Variants in TRPS1 observed in about 807,000 individuals in gnomAD.
TRPS1 encodes transcriptional repressor GATA binding 1.
Under a neutral mutation model 101.2 loss-of-function variants are expected in TRPS1, and 6 were observed. The ratio of observed to expected loss-of-function variants is 0.06; its 90% CI spans 0.03 to 0.12. The LOEUF is 0.12. Ranked by LOEUF, TRPS1 falls within the 10% of genes least tolerant of loss-of-function variation. TRPS1 has a pLI of 1.00. For synonymous variants in TRPS1, 578 were observed against 589.8 expected (o/e 0.98, Z 0.29); for missense variants, 1,363 against 1,567.0 (o/e 0.87, Z 2.20).
chr8:115,550,260 A>C (rs1436892842), intron 5 of TRPS1, among the ~76,000 whole-genome samples: 4 of 152,160 alleles, frequency 2.6e-5, no homozygotes, highest in African/African-American at 7.2e-5. Context: ...TGGGGCTTTT[A>C]AAGGAAAGTA....
intron 5 of TRPS1, among the ~76,000 whole-genome samples, chr8:115,580,245 A>AATATATATAT (rs1554591593): frequency 5.0e-5 from 7 of 139,868 alleles, no homozygotes; most frequent in African/African-American, 1.9e-4. Context: ...AAAAAAAAAA[A>AATATATATAT]ATATATATAT....
intron 5 of TRPS1, among the ~76,000 whole-genome samples, chr8:115,572,849 T>A (rs980968642): frequency 1.3e-5 from 2 of 152,088 alleles, no homozygotes; most frequent in Non-Finnish European, 2.9e-5. Context: ...AAAATAAATA[T>A]ACGCCAGACT....
intron 5 of TRPS1, among the ~76,000 whole-genome samples, chr8:115,562,972 A>G (rs1816982991): frequency 6.6e-6 from 1 of 150,842 alleles, no homozygotes; most frequent in South Asian, 2.1e-4. Flanking sequence ...TAGGATTTAC[A>G]TTAAAGGTTG....
chr8:115,635,960 G>A (rs748043381), intron 1 of TRPS1, among the ~76,000 whole-genome samples: 1 of 151,990 alleles, frequency 6.6e-6, no homozygotes, highest in Non-Finnish European at 1.5e-5. Flanking sequence ...GTTTACTACT[G>A]GATTATGGAT....
chr8:115,540,516 C>A (rs1325720672), intron 5 of TRPS1, among the ~76,000 whole-genome samples: 2 of 152,024 alleles, frequency 1.3e-5, no homozygotes, highest in African/African-American at 2.4e-5. Context: ...AATAGCATTT[C>A]TTGATCTTCC....
intron 5 of TRPS1, among the ~76,000 whole-genome samples, chr8:115,570,192 G>A (rs1294146735): frequency 6.6e-6 from 1 of 151,874 alleles, no homozygotes; most frequent in Non-Finnish European, 1.5e-5. Context: ...CTAAATTGCT[G>A]TAATTGATTT....
At chr8:115,583,601 C>G (rs117426022) in intron 5 of TRPS1, among the ~76,000 whole-genome samples, 450 of 152,140 alleles carry the variant, frequency 3.0e-3, no homozygotes, top group Non-Finnish European at 5.1e-3. Context: ...GCCCTTAATA[C>G]TTCTTCCTAC....
intron 1 of TRPS1, among the ~76,000 whole-genome samples, chr8:115,624,179 T>A (rs2142330): frequency 0.32 from 48,338 of 151,718 alleles, 9,075 homozygotes; most frequent in Middle Eastern, 0.55. Flanking sequence ...TTTTGGCAAC[T>A]CTATTTTAAA....
At chr8:115,574,929 T>G (rs932175779) in intron 5 of TRPS1, among the ~76,000 whole-genome samples, 2 of 152,242 alleles carry the variant, frequency 1.3e-5, no homozygotes, top group Admixed American at 6.5e-5. Context: ...TTAAAAAACT[T>G]CAGGGTTTCT....
At chr8:115,620,166 C>T (rs913425341) in intron 2 of TRPS1, 106 bp from the exon 3 acceptor site, 8 of 1,056,608 alleles carry the variant, frequency 7.6e-6, no homozygotes, top group African/African-American at 1.7e-5. Context: ...GGTGCATAAT[C>T]AAATGCTTCC....
intron 5 of TRPS1, among the ~76,000 whole-genome samples, chr8:115,453,061 G>T (rs559547838): frequency 6.6e-6 from 1 of 150,724 alleles, no homozygotes; most frequent in Admixed American, 6.6e-5. Context: ...TCACTCTGTT[G>T]CCCAGGATGG....
intron 5 of TRPS1, among the ~76,000 whole-genome samples, chr8:115,419,748 T>C (rs1468654125): frequency 6.6e-6 from 1 of 152,218 alleles, no homozygotes; most frequent in Non-Finnish European, 1.5e-5. Context: ...TGTTTCACAA[T>C]GTATCACTAA....
intron 5 of TRPS1, among the ~76,000 whole-genome samples, chr8:115,556,875 G>A (rs1031744821): frequency 1.3e-5 from 2 of 152,066 alleles, no homozygotes; most frequent in African/African-American, 2.4e-5. Flanking sequence ...CAATTTAAAC[G>A]TCAGCCCATG....
At chr8:115,542,214 C>T (rs573909057) in intron 5 of TRPS1, among the ~76,000 whole-genome samples, 1 of 152,142 alleles carries the variant, frequency 6.6e-6, no homozygotes, top group African/African-American at 2.4e-5. Context: ...ACACATCAGT[C>T]AGCATGACAC....
At chr8:115,589,934 T>C (rs534446299) in intron 4 of TRPS1, among the ~76,000 whole-genome samples, 2 of 152,140 alleles carry the variant, frequency 1.3e-5, no homozygotes, top group South Asian at 2.1e-4. Context: ...CTGACCAACA[T>C]GGTGAAACCC....
At chr8:115,615,389 A>G (rs1024095016) in intron 3 of TRPS1, among the ~76,000 whole-genome samples, 1 of 152,192 alleles carries the variant, frequency 6.6e-6, no homozygotes, top group Non-Finnish European at 1.5e-5. Flanking sequence ...AGCGCATTAC[A>G]CCCTAATGAA....
rs1251960464 is a variant in TRPS1, at chr8:115,475,430, T to C, written c.2701-56978A>G. ...TTGAAATTCTTCTTGGAAACTATCA[T>C]AACTGTGTAAGCACCTTTAATTTAC... On this transcript the variant is annotated intron_variant, in intron 5 of 6. Coordinates refer to ENST00000395715, the MANE Select transcript of TRPS1 (RefSeq NM_014112.5). Among the ~76,000 whole-genome samples, 5 of 151,894 alleles carry C rather than the reference T, an allele frequency of 3.3e-5. No homozygotes were observed. In the East Asian group the frequency reaches 9.7e-4, roughly 29 times the overall value.
At chr8:115,415,194 G>C in intron 6 of TRPS1, 110 bp from the exon 7 acceptor site, 1 of 1,154,722 alleles carries the variant, frequency 8.7e-7, no homozygotes, top group African/African-American at 1.6e-5. Context: ...GCAGGGATAG[G>C]CTTTCTGCTG....
At chr8:115,595,893 AACT>A (rs1817774066) in intron 4 of TRPS1, among the ~76,000 whole-genome samples, 1 of 151,910 alleles carries the variant, frequency 6.6e-6, no homozygotes, top group South Asian at 2.1e-4. Context: ...TTGTTTGGTG[AACT>A]ATAACATCCT....
Sources: gnomAD v4.1 joint callset for allele counts (sites outside exome capture counted in the v4.1 genomes callset) on GRCh38, gnomAD v4.1.1 for gene constraint, MANE v1.5 for transcripts, NCBI Gene and HGNC (gene_info 2026-07-23, HGNC 2026-07-21) for gene names.